The following NUP205 variants were observed in gnomAD, a reference collection of about 807,000 sequenced individuals.
NUP205 encodes nucleoporin 205.
Under a neutral mutation model 253.8 loss-of-function variants are expected in NUP205, and 76 were observed. That is an observed-to-expected ratio of 0.30 (90% CI 0.25 to 0.36). The LOEUF is 0.36. Among genes scored for constraint, NUP205 ranks in the 10% least tolerant of loss-of-function variants. The pLI, the probability that NUP205 is intolerant of heterozygous loss-of-function variation, is 1.00. For missense variants in NUP205, 2,162 were observed against 2,425.5 expected, an observed-to-expected ratio of 0.89 and a Z score of 2.28; for synonymous variants, 832 against 850.1, an observed-to-expected ratio of 0.98 and a Z score of 0.37.
In NUP205 at chr7:135,606,190, T is replaced by C. The variant is rs1257362448; in HGVS notation, c.2869T>C (p.Cys957Arg). The change falls in exon 20 of 43, where the codon TGT (cysteine) becomes CGT (arginine). Residue 957 changes from cysteine (C) to arginine (R), a missense_variant. Around this residue, in one of 5 missense-constraint regions of NUP205, gnomAD observed 6 missense variants for 22.1 expected, o/e 0.27. Transcript: ENST00000285968. ...GGCTGGATTTGTGGAGTGTTTGGAT[T>C]GTGAAGATGCAGAAGAATTTGTACG... ...LMAGFVECLD[C>R]EDAEEFVRLE... 1 of 1,613,104 alleles carries C rather than the reference T, an allele frequency of 6.2e-7. No homozygotes were observed. Among genetic ancestry groups the C allele is most frequent in the East Asian group, 2.2e-5 (1 of 44,800 alleles).
At chr7:135,583,791 G>T (rs529116633) in intron 7 of NUP205, among the ~76,000 whole-genome samples, 1 of 151,640 alleles carries the variant, frequency 6.6e-6, no homozygotes, top group East Asian at 1.9e-4. Flanking sequence ...TACGATAATG[G>T]TGTTGTGTGT....
chr7:135,628,081 T>G lies in NUP205; in HGVS notation c.4902T>G (p.Ser1634Arg). 1 of 1,609,940 alleles carries G rather than the reference T, an allele frequency of 6.2e-7. No homozygotes were observed. ...LQLCQVILTS[S>R]MAQHLQAAGQ... Reference sequence around the variant, plus strand: ...TGTGCCAGGTCATCCTCACATCTAGTATGGCCCAGCACTTGCAGGCAGCAG... The same window carrying G: ...TGTGCCAGGTCATCCTCACATCTAGGATGGCCCAGCACTTGCAGGCAGCAG... The change falls in exon 34 of 43, where the codon AGT becomes AGG. Residue 1634 changes from serine (S) to arginine (R), a missense_variant. This residue lies in a region of NUP205 where 1,144 missense variants were observed against 1,280.9 expected (regional missense o/e 0.89). Coordinates refer to ENST00000285968, the MANE Select transcript of NUP205 (RefSeq NM_015135.3).
At position 135,571,246 on chromosome 7, in the gene NUP205, C is replaced by T. The variant is rs369458508; in HGVS notation, c.170C>T (p.Pro57Leu). 1.9e-5 allele frequency: 26 copies of T among 1,387,392 alleles called. No homozygotes were observed. Among genetic ancestry groups the T allele is most frequent in the South Asian group, 1.5e-4 (8 of 52,380 alleles). 85.9% of individuals were successfully genotyped at this position (1,387,392 alleles called of 1,614,324 possible). A position where few individuals can be genotyped will look rare whatever the true frequency, so the allele number is the denominator to read the frequency against. Residue 57 changes from proline (P) to leucine (L), a missense_variant and splice_region_variant, in exon 2 of 43, where the codon CCG becomes CTG. By Grantham distance (98) the Pro-to-Leu change is moderately conservative. Coordinates refer to ENST00000285968, the MANE Select transcript of NUP205 (RefSeq NM_015135.3). ...KPDFISLFKN[P>L]PKNVQQHEKV... ...GACTTCATCTCATTGTTCAAAAATC[C>T]GGTAAGAAATTTTCTTTTTCAGTTT...
rs1334582155 is a variant in NUP205 at position 135,577,697 on chromosome 7, G to T, written c.649-99G>T. 5 of 854,264 alleles carry T rather than the reference G, an allele frequency of 5.9e-6. No individual in the cohort carries two copies. The Admixed American group carries it at 1.1e-4, about 18-fold the overall frequency. The allele number at this position is 854,264 out of a possible 1,614,324, so 52.9% of individuals were successfully genotyped here. On this transcript the variant is annotated intron_variant, in intron 5 of 42. Coordinates refer to ENST00000285968, the MANE Select transcript of NUP205 (RefSeq NM_015135.3). The stretch of plus-strand genomic sequence containing the variant: ...TAGGATCACTTGTGGATTTTGATAG[G>T]TTTTTTTATTAGCCTTTGTAAAAGG...
intron 5 of NUP205, among the ~76,000 whole-genome samples, chr7:135,577,584 A>G (rs1806184970): frequency 6.6e-6 from 1 of 152,344 alleles, no homozygotes; most frequent in South Asian, 2.1e-4. Context: ...TATGAAATGA[A>G]CAAGAAATTG....
At chr7:135,577,255 CTT>C in intron 5 of NUP205, 127 bp downstream of exon 5, 1 of 890,112 alleles carries the variant, frequency 1.1e-6, no homozygotes, top group Non-Finnish European at 1.7e-6. Flanking sequence ...TGCCACTTTT[CTT>C]TTTTTTTGCT....
At chr7:135,567,152 A>C (rs866072589) in intron 1 of NUP205, among the ~76,000 whole-genome samples, 3,849 of 89,298 alleles carry the variant, frequency 0.043, 587 homozygotes, top group South Asian at 0.12. Flanking sequence ...ATATATATAT[A>C]TATATATATA....
chr7:135,641,541 A>C (rs1026927509), intron 38 of NUP205, among the ~76,000 whole-genome samples: 1 of 151,016 alleles, frequency 6.6e-6, no homozygotes, highest in African/African-American at 2.4e-5. Flanking sequence ...AGGCTAAGGC[A>C]GTACGTTGCT....
intron 13 of NUP205, among the ~76,000 whole-genome samples, chr7:135,596,992 C>T (rs1793855643): frequency 2.0e-5 from 3 of 151,494 alleles, no homozygotes; most frequent in Admixed American, 1.3e-4. Flanking sequence ...AAAGAAGTTT[C>T]CTTTTGGGTT....
intron 1 of NUP205, among the ~76,000 whole-genome samples, chr7:135,569,660 A>G (rs1805889077): frequency 6.6e-6 from 1 of 152,046 alleles, no homozygotes. Context: ...ACATAATCAT[A>G]CATGTAAAGA....
At chr7:135,610,086 TTTTA>T (rs1330180935) in intron 22 of NUP205, among the ~76,000 whole-genome samples, 3 of 152,182 alleles carry the variant, frequency 2.0e-5, no homozygotes, top group Admixed American at 6.5e-5. Flanking sequence ...GAATTTTTAT[TTTTA>T]TTTATTCATT....
chr7:135,570,050 TATAGAGAGAG>T (rs1486725299), intron 1 of NUP205, among the ~76,000 whole-genome samples: 1,326 of 88,752 alleles, frequency 0.015, 9 homozygotes, highest in Middle Eastern at 0.031. Flanking sequence ...TATATATATA[TATAGAGAGAG>T]AGAGAGAGAG....
chr7:135,620,933 T>C (rs549869357), intron 30 of NUP205, among the ~76,000 whole-genome samples: 1 of 152,352 alleles, frequency 6.6e-6, no homozygotes, highest in African/African-American at 2.4e-5. Context: ...GACATGAAAA[T>C]GTTATTAAGT....
intron 1 of NUP205, among the ~76,000 whole-genome samples, chr7:135,562,575 G>A (rs1194769072): frequency 8.0e-6 from 1 of 124,666 alleles, no homozygotes; most frequent in African/African-American, 3.0e-5. Flanking sequence ...TTGAGACAGA[G>A]TCTGGCTCTG....
At chr7:135,575,935 A>G (rs980061835) in intron 3 of NUP205, among the ~76,000 whole-genome samples, 3 of 152,280 alleles carry the variant, frequency 2.0e-5, no homozygotes, top group Non-Finnish European at 4.4e-5. Context: ...TAAAATGGGC[A>G]TTGAATAAAA....
chr7:135,606,683 T>C, intron 20 of NUP205, 68 bp from the exon 21 acceptor site: 1 of 1,251,370 alleles, frequency 8.0e-7, no homozygotes, highest in African/African-American at 1.5e-5. Context: ...ACAAGTTTTG[T>C]ATTTTTTATT....
intron 19 of NUP205, among the ~76,000 whole-genome samples, chr7:135,605,848 T>C (rs1037336147): frequency 1.4e-5 from 2 of 147,406 alleles, no homozygotes; most frequent in African/African-American, 5.1e-5. Context: ...AACAGCAATT[T>C]CGTGATTTTT....
chr7:135,607,109 A>G (rs1794102406), intron 21 of NUP205, 138 bp from the exon 22 acceptor site: 2 of 1,242,118 alleles, frequency 1.6e-6, no homozygotes, highest in Admixed American at 5.1e-5. Context: ...AGCCTTTATC[A>G]ATTTTCTGTT....
chr7:135,617,050 A>G lies in NUP205; in HGVS notation c.3533-40A>G, dbSNP rs760898964. On this transcript the variant is annotated intron_variant, in intron 25 of 42. Transcript: ENST00000285968. ...ATATGATGGCTTGCCTTTCTTTTCA[A>G]TGTCCCAAGTAAAATCAAATTACTT... 3.4e-6 allele frequency: 5 copies of G among 1,479,518 alleles called. No individual in the cohort carries two copies. The African/African-American group carries it at 7.1e-5, about 21-fold the overall frequency. The allele number at this position is 1,479,518 out of a possible 1,614,324, so 91.6% of individuals were successfully genotyped here.
Sources: allele counts gnomAD v4.1 joint callset (sites outside exome capture counted in the v4.1 genomes callset), GRCh38; gene constraint gnomAD v4.1.1; regional missense constraint gnomAD v4.1.1; transcripts MANE v1.5; gene names NCBI Gene and HGNC (gene_info 2026-07-23, HGNC 2026-07-21).